RRBP1: variants seen among roughly 807,000 people sequenced by gnomAD.
The protein encoded by RRBP1 is ribosome binding protein 1, also known as ribosome-binding protein 1.
Under a neutral mutation model 165.2 loss-of-function variants are expected in RRBP1, and 94 were observed. That is an observed-to-expected ratio of 0.57 (90% CI 0.48 to 0.68). The LOEUF is 0.68. Ranked by LOEUF, RRBP1 falls within the 30% of genes least tolerant of loss-of-function variation. The pLI, the probability that RRBP1 is intolerant of heterozygous loss-of-function variation, is 0.00. For synonymous variants in RRBP1, 680 were observed against 714.5 expected (o/e 0.95, Z 0.77); for missense variants, 1,676 against 1,763.0 (o/e 0.95, Z 0.88).
In RRBP1 at chr20:17,613,912, C is replaced by T. The variant is rs576198462; in HGVS notation, c.*270G>A. On this transcript the variant is annotated 3_prime_UTR_variant, in exon 25 of 25. Transcript: ENST00000377813. ...GCCTCCCACACACCCACGGGGCTGT[C>T]AGAGTCAACCAGGGCTTTGGCGTCA... 1.4e-3 allele frequency: 609 copies of T among 431,218 alleles called. 2 individuals carry two copies. Among genetic ancestry groups the T allele is most frequent in the Non-Finnish European group, 2.2e-3 (511 of 237,280 alleles). 26.7% of individuals were successfully genotyped at this position (431,218 alleles called of 1,614,324 possible).
intron 3 of RRBP1, among the ~76,000 whole-genome samples, chr20:17,657,551 C>CAAGAAAAGAAAAGAAAGGAAAA (rs1045357587): frequency 9.3e-6 from 1 of 107,126 alleles, no homozygotes; most frequent in Non-Finnish European, 2.1e-5. Context: ...TATTTAAAAA[C>CAAGAAAAGAAAAGAAAGGAAAA]AAGAAAAGAA....
chr20:17,673,385 T>C (rs1469415218), intron 2 of RRBP1, among the ~76,000 whole-genome samples: 1 of 152,196 alleles, frequency 6.6e-6, no homozygotes, highest in Admixed American at 6.5e-5. Flanking sequence ...CCTGTGGCCA[T>C]GCCACCTTGC....
At chr20:17,653,219 ATT>A (rs1461707013) in intron 3 of RRBP1, among the ~76,000 whole-genome samples, 1 of 152,122 alleles carries the variant, frequency 6.6e-6, no homozygotes, top group Non-Finnish European at 1.5e-5. Context: ...TGTTCGTGTT[ATT>A]TGTGTGTGGG....
At chr20:17,648,042 C>T (rs1474288212) in intron 3 of RRBP1, among the ~76,000 whole-genome samples, 1 of 152,196 alleles carries the variant, frequency 6.6e-6, no homozygotes, top group Non-Finnish European at 1.5e-5. Context: ...CAGTCATCAG[C>T]CTCTGCAGAC....
At chr20:17,645,987 G>A (rs1486176032) in intron 3 of RRBP1, among the ~76,000 whole-genome samples, 3 of 152,206 alleles carry the variant, frequency 2.0e-5, no homozygotes, top group Non-Finnish European at 4.4e-5. Flanking sequence ...AGACCCAAGA[G>A]TAGAGACGCA....
At chr20:17,676,986 G>A (rs571491787) in intron 2 of RRBP1, among the ~76,000 whole-genome samples, 3 of 151,448 alleles carry the variant, frequency 2.0e-5, no homozygotes, top group Admixed American at 6.6e-5. Context: ...GGGCTCAAGC[G>A]ATCCACCCGC....
chr20:17,627,184 T>TA, intron 11 of RRBP1, among the ~76,000 whole-genome samples, 164 bp downstream of exon 11: 1 of 90,356 alleles, frequency 1.1e-5, no homozygotes, highest in East Asian at 2.7e-4. Flanking sequence ...CCCAGGCCTG[T>TA]CCCGTCCTCT....
At chr20:17,652,024 T>C (rs771536731) in intron 3 of RRBP1, among the ~76,000 whole-genome samples, 1 of 152,194 alleles carries the variant, frequency 6.6e-6, no homozygotes, top group Admixed American at 6.5e-5. Flanking sequence ...CTAGGAAGAC[T>C]GAAGAAGCAC....
chr20:17,659,785 CT>C lies in RRBP1; in HGVS notation c.722del (p.Lys241ArgfsTer32), dbSNP rs34811114. The C allele has an allele frequency of 6.4e-7, 1 of 1,550,800 alleles. No homozygotes were observed. The highest frequency in any genetic ancestry group is 8.7e-7 in the Non-Finnish European group (1 of 1,146,976). The part of the protein sequence containing the change: ...KTEGTPNQGK[K>X]AEGTPNQGKK... The stretch of plus-strand genomic sequence containing the variant: ...TGCCTTGGTTTGGGGTTCCCTCTGC[CT>C]TTTTCCCTTGGTTTGGGGTTCCCTC... On this transcript the variant is annotated frameshift_variant, in exon 3 of 25. Transcript: ENST00000377813. LOFTEE classifies it high-confidence loss of function.
chr20:17,658,985 T>C lies in RRBP1; in HGVS notation c.1523A>G (p.Gln508Arg). 6.2e-7 allele frequency: 1 copy of C among 1,611,490 alleles called. No homozygotes were observed. Among genetic ancestry groups the C allele is most frequent in the Non-Finnish European group, 8.5e-7 (1 of 1,179,132 alleles). ...QGKKAEGAQN[Q>R]GQKGEGAQNQ... Reference sequence around the variant, plus strand: ...CTGGGCTCCCTCTCCTTTTTGGCCCTGGTTCTGGGCTCCCTCGGCCTTTTT... The same window carrying C: ...CTGGGCTCCCTCTCCTTTTTGGCCCCGGTTCTGGGCTCCCTCGGCCTTTTT... Residue 508 changes from glutamine (Q) to arginine (R), a missense_variant, in exon 3 of 25, where the codon CAG becomes CGG. Transcript: ENST00000377813.
At chr20:17,626,360 G>A (rs1328786980) in intron 11 of RRBP1, among the ~76,000 whole-genome samples, 1 of 152,128 alleles carries the variant, frequency 6.6e-6, no homozygotes, top group African/African-American at 2.4e-5. Flanking sequence ...CATGCTTTTT[G>A]GGAAAGGAAG....
At chr20:17,642,945 C>T in intron 4 of RRBP1, 34 bp downstream of exon 4, 1 of 1,606,888 alleles carries the variant, frequency 6.2e-7, no homozygotes, top group South Asian at 1.1e-5. Context: ...GCTGCAGTGG[C>T]CTCTGAGCAT....
chr20:17,632,440 A>AGTGG (rs2036168123), intron 8 of RRBP1, among the ~76,000 whole-genome samples: 1 of 152,292 alleles, frequency 6.6e-6, no homozygotes, highest in Admixed American at 6.5e-5. Context: ...CCCTCTTCTG[A>AGTGG]GTGGGTCTGC....
rs1220348369 is a variant in RRBP1 at position 17,658,990 on chromosome 20, C to G, written c.1518G>C (p.Gln506His). 6.2e-7 allele frequency: 1 copy of G among 1,610,582 alleles called. No homozygotes were observed. Among genetic ancestry groups the G allele is most frequent in the African/African-American group, 1.3e-5 (1 of 74,902 alleles). The change falls in exon 3 of 25, where the codon CAG (glutamine) becomes CAC (histidine). Residue 506 changes from glutamine to histidine, a missense_variant. Coordinates refer to ENST00000377813, the MANE Select transcript of RRBP1 (RefSeq NM_001365613.2). ...QNQGKKAEGA[Q>H]NQGQKGEGAQ... ...CTCCCTCTCCTTTTTGGCCCTGGTT[C>G]TGGGCTCCCTCGGCCTTTTTGCCCT...
At chr20:17,617,153 C>T (rs1295945651) in intron 20 of RRBP1, among the ~76,000 whole-genome samples, 2 of 151,574 alleles carry the variant, frequency 1.3e-5, no homozygotes, top group Non-Finnish European at 2.9e-5. Flanking sequence ...CGAATGGAAC[C>T]GGGGGGTGGC....
intron 5 of RRBP1, among the ~76,000 whole-genome samples, chr20:17,637,854 A>AGC (rs202067052): frequency 1.3e-5 from 2 of 150,230 alleles, no homozygotes; most frequent in African/African-American, 5.0e-5. Flanking sequence ...TAGCTACAGA[A>AGC]GTGGGGGGCG....
intron 3 of RRBP1, among the ~76,000 whole-genome samples, chr20:17,649,573 G>A (rs1214892113): frequency 6.7e-6 from 1 of 150,080 alleles, no homozygotes; most frequent in Non-Finnish European, 1.5e-5. Flanking sequence ...GCTACACATG[G>A]GGAGGACAGG....
At position 17,636,630 on chromosome 20, in the gene RRBP1, T is replaced by G. The variant is rs2036253233; in HGVS notation, c.2284A>C (p.Met762Leu). 1 of 1,612,874 alleles carries G rather than the reference T, an allele frequency of 6.2e-7. No individual in the cohort carries two copies. The highest frequency in any genetic ancestry group is 1.7e-5 in the Admixed American group (1 of 60,014). ...EQEITAVQARMQASYREHVKE... is the reference protein window; with the variant it reads ...EQEITAVQARLQASYREHVKE... ...ACGTGCTCCCGGTAGCTGGCCTGCA[T>G]GCGTGCCTGCACAGCCGTGATCTCC... Residue 762 changes from methionine (M) to leucine (L), a missense_variant, in exon 6 of 25, where the codon ATG becomes CTG. Physicochemically the swap from Met to Leu is conservative, Grantham distance 15. This residue lies in a region of RRBP1 where 1,184 missense variants were observed against 1,167.1 expected (regional missense o/e 1.01). Coordinates refer to ENST00000377813, the MANE Select transcript of RRBP1 (RefSeq NM_001365613.2).
intron 20 of RRBP1, among the ~76,000 whole-genome samples, chr20:17,617,584 A>AC (rs1409151578): frequency 5.9e-5 from 9 of 152,006 alleles, no homozygotes; most frequent in Admixed American, 2.6e-4. Flanking sequence ...TTCTCTGCAC[A>AC]TCCCCGGCCT....
Sources: gnomAD v4.1 joint callset for allele counts (sites outside exome capture counted in the v4.1 genomes callset) on GRCh38, gnomAD v4.1.1 for gene constraint, gnomAD v4.1.1 regional missense constraint, MANE v1.5 for transcripts, NCBI Gene and HGNC (gene_info 2026-07-23, HGNC 2026-07-21) for gene names.